HPCAL1: variants seen among roughly 807,000 people sequenced by gnomAD.
HPCAL1 encodes the protein hippocalcin like 1, also known as hippocalcin-like protein 1.
A neutral mutation model predicts 17.1 loss-of-function variants in HPCAL1; 8 were observed. That is an observed-to-expected ratio of 0.47 (90% CI 0.27 to 0.84). HPCAL1 has a LOEUF of 0.84. Ranked by LOEUF, HPCAL1 falls within the 40% of genes least tolerant of loss-of-function variation. HPCAL1 has a pLI of 0.13. For synonymous variants in HPCAL1, 112 were observed against 111.4 expected (o/e 1.01, Z -0.03); for missense variants, 165 against 271.1 (o/e 0.61, Z 2.75).
In HPCAL1 at chr2:10,331,549, A is replaced by G. The variant is rs903395245; in HGVS notation, c.-111+28372A>G. Among the ~76,000 whole-genome samples, 1 of 152,094 alleles carries G rather than the reference A, an allele frequency of 6.6e-6. No homozygotes were observed. Among genetic ancestry groups the G allele is most frequent in the Non-Finnish European group, 1.5e-5 (1 of 68,010 alleles). ...GGAACACCCTCCCAGGAGCTTTTCC[A>G]CGGCCAAGCGCTGGCTGGTGGTGGA... On this transcript the variant is annotated intron_variant, in intron 1 of 4. Coordinates refer to ENST00000307845, the MANE Select transcript of HPCAL1 (RefSeq NM_002149.4). This position sits in a 1 kb window ranked among gnomAD's most constrained non-coding sequence, Gnocchi z 5.0.
At chr2:10,315,267 T>A (rs1663242927) in intron 1 of HPCAL1, among the ~76,000 whole-genome samples, 1 of 146,544 alleles carries the variant, frequency 6.8e-6, no homozygotes, top group African/African-American at 2.5e-5. Context: ...CACTCCAGCC[T>A]GGGCAACAGA....
intron 4 of HPCAL1, chr2:10,425,946 G>A (rs1437391622): frequency 6.6e-6 from 1 of 152,196 alleles, no homozygotes; most frequent in Admixed American, 6.5e-5. Context: ...TATCCTGCTT[G>A]TGGACTAGCA....
chr2:10,361,086 T>C (rs1321043103), intron 1 of HPCAL1, among the ~76,000 whole-genome samples: 1 of 144,742 alleles, frequency 6.9e-6, no homozygotes, highest in East Asian at 2.0e-4. Context: ...TCTGTCATAC[T>C]AGATGAGACA....
intron 1 of HPCAL1, among the ~76,000 whole-genome samples, chr2:10,387,224 G>A (rs894222867): frequency 1.3e-5 from 2 of 152,354 alleles, no homozygotes; most frequent in East Asian, 1.9e-4. Context: ...GAGTAGTCGC[G>A]TGTGAATCCA....
chr2:10,332,191 G>A (rs1664428328), intron 1 of HPCAL1, among the ~76,000 whole-genome samples: 1 of 152,174 alleles, frequency 6.6e-6, no homozygotes, highest in Admixed American at 6.5e-5. Context: ...ACCTCGACCT[G>A]GCTGAGGTCA....
chr2:10,375,265 C>A (rs1218065901), intron 1 of HPCAL1, among the ~76,000 whole-genome samples: 1 of 152,196 alleles, frequency 6.6e-6, no homozygotes, highest in African/African-American at 2.4e-5. Flanking sequence ...TATTTTACAA[C>A]CTGTTTTTGT....
In HPCAL1 at chr2:10,341,132, A is replaced by G. The variant is rs533781369; in HGVS notation, c.-111+37955A>G. ...GCGATTTTTCTTAAAGCCTAGGTTG[A>G]CTACTCAAGGGTCTAGATTTATGAT... is the stretch of plus-strand genomic sequence containing the variant. On this transcript the variant is annotated intron_variant, in intron 1 of 4. Transcript: ENST00000307845. Among the ~76,000 whole-genome samples, 5 of 152,144 alleles carry G rather than the reference A, an allele frequency of 3.3e-5. No homozygotes were observed. In the South Asian group the frequency reaches 1.0e-3, roughly 32 times the overall value.
At chr2:10,372,528 C>T (rs894821055) in intron 1 of HPCAL1, among the ~76,000 whole-genome samples, 3 of 152,096 alleles carry the variant, frequency 2.0e-5, no homozygotes, top group Non-Finnish European at 4.4e-5. Context: ...GGCGGACAGG[C>T]GAGCGTATGG....
At chr2:10,407,269 C>G (rs1339903917) in intron 2 of HPCAL1, among the ~76,000 whole-genome samples, 4 of 152,198 alleles carry the variant, frequency 2.6e-5, no homozygotes, top group Non-Finnish European at 4.4e-5. Flanking sequence ...AATGTGCCTT[C>G]TTGGAGCAGC....
intron 1 of HPCAL1, among the ~76,000 whole-genome samples, chr2:10,333,152 T>C (rs903958628): frequency 6.6e-6 from 1 of 152,220 alleles, no homozygotes; most frequent in African/African-American, 2.4e-5. Context: ...TTGGGCATTG[T>C]AAATGCTAGA....
Position 10,426,872 on chromosome 2 carries a change from T to C in HPCAL1, c.*51T>C. ...AGAAACACAGGCTTGTCGTGCCGTTTAAGCTTTGCTTGCAAGAGTGGATGC... is the reference window on the plus strand; with the variant it reads ...AGAAACACAGGCTTGTCGTGCCGTTCAAGCTTTGCTTGCAAGAGTGGATGC... On this transcript the variant is annotated 3_prime_UTR_variant, in exon 5 of 5. Transcript: ENST00000307845. The C allele has an allele frequency of 6.6e-7, 1 of 1,511,436 alleles. No homozygotes were observed. 93.6% of individuals were successfully genotyped at this position (1,511,436 alleles called of 1,614,324 possible). A position where few individuals can be genotyped will look rare whatever the true frequency, so the allele number is the denominator to read the frequency against.
At chr2:10,407,687 C>T (rs1670055928) in intron 2 of HPCAL1, among the ~76,000 whole-genome samples, 1 of 152,138 alleles carries the variant, frequency 6.6e-6, no homozygotes, top group Non-Finnish European at 1.5e-5. Context: ...TGAGCAAGAA[C>T]ATGAACTTGG....
At position 10,362,882 on chromosome 2, in the gene HPCAL1, G is replaced by A. The variant is rs1267792656; in HGVS notation, c.-110-33953G>A. 6.6e-6 allele frequency among the ~76,000 whole-genome samples: 1 copy of A among 152,194 alleles called. No individual in the cohort carries two copies. Among genetic ancestry groups the A allele is most frequent in the African/African-American group, 2.4e-5 (1 of 41,452 alleles). The stretch of plus-strand genomic sequence containing the variant: ...TGAGTTTGGACCATTCCTGAGCAGA[G>A]GGGGACCTCAGAGGACAGTCGGACT... On this transcript the variant is annotated intron_variant, in intron 1 of 4. Coordinates refer to ENST00000307845, the MANE Select transcript of HPCAL1 (RefSeq NM_002149.4). The surrounding 1 kb of genome is among the most constrained non-coding windows in gnomAD (Gnocchi z 5.0).
At chr2:10,409,340 C>G (rs1184146985) in intron 2 of HPCAL1, among the ~76,000 whole-genome samples, 1 of 152,188 alleles carries the variant, frequency 6.6e-6, no homozygotes, top group African/African-American at 2.4e-5. Context: ...CTGGATGGTC[C>G]CAGATGCATC....
rs941347115 is a variant in HPCAL1, at chr2:10,331,697, C to T, written c.-111+28520C>T. The stretch of plus-strand genomic sequence containing the variant: ...TGTCAGAGGCATCTGTCTCTTCCCC[C>T]GCATGCATCTTTCTCCCCGTCTGGC... On this transcript the variant is annotated intron_variant, in intron 1 of 4. Coordinates refer to ENST00000307845, the MANE Select transcript of HPCAL1 (RefSeq NM_002149.4). The surrounding 1 kb of genome is among the most constrained non-coding windows in gnomAD (Gnocchi z 5.0). 6.6e-6 allele frequency among the ~76,000 whole-genome samples: 1 copy of T among 152,168 alleles called. No individual in the cohort carries two copies. The highest frequency in any genetic ancestry group is 1.5e-5 in the Non-Finnish European group (1 of 68,032).
intron 1 of HPCAL1, among the ~76,000 whole-genome samples, chr2:10,337,641 C>G (rs1314825569): frequency 1.3e-5 from 2 of 152,204 alleles, no homozygotes; most frequent in Non-Finnish European, 2.9e-5. Context: ...GTGCTCTGGG[C>G]TGCACAGCTG....
chr2:10,347,171 T>C (rs552867393), intron 1 of HPCAL1, among the ~76,000 whole-genome samples: 1 of 152,044 alleles, frequency 6.6e-6, no homozygotes, highest in Admixed American at 6.5e-5. Context: ...AGAGGGAGTG[T>C]CTGCCTCCCT....
intron 1 of HPCAL1, among the ~76,000 whole-genome samples, chr2:10,379,360 T>C (rs1667794812): frequency 6.6e-6 from 1 of 151,226 alleles, no homozygotes; most frequent in Non-Finnish European, 1.5e-5. Context: ...GGGAAAGTGT[T>C]TGTGACACCC....
At chr2:10,386,727 T>A (rs1668333983) in intron 1 of HPCAL1, among the ~76,000 whole-genome samples, 1 of 152,104 alleles carries the variant, frequency 6.6e-6, no homozygotes, top group Admixed American at 6.5e-5. Flanking sequence ...TGGAGCTTGG[T>A]GGAGGAGACC....
Sources: allele counts gnomAD v4.1 joint callset (sites outside exome capture counted in the v4.1 genomes callset), GRCh38; gene constraint gnomAD v4.1.1; non-coding constraint Gnocchi (gnomAD v3.1); transcripts MANE v1.5; gene names NCBI Gene and HGNC (gene_info 2026-07-23, HGNC 2026-07-21).